The following DCLK2 variants were observed in gnomAD, a reference collection of about 807,000 sequenced individuals.
DCLK2 encodes doublecortin like kinase 2.
In DCLK2, 31 loss-of-function variants were observed where a neutral mutation model predicts 78.4. That is an observed-to-expected ratio of 0.40 (90% CI 0.30 to 0.53). The LOEUF (loss-of-function observed/expected upper bound fraction) is 0.53, where lower values mean the gene tolerates loss of function less well. Among genes scored for constraint, DCLK2 ranks in the 20% least tolerant of loss-of-function variants. The probability of loss-of-function intolerance (pLI) is 0.61; values close to 1 mark genes in which losing one functional copy is unlikely to be tolerated. For missense variants in DCLK2, 872 were observed against 973.7 expected (o/e 0.90, Z 1.39); for synonymous variants, 407 against 374.9 (o/e 1.09, Z -0.99).
At chr4:150,209,306 G>A (rs1396143531) in intron 5 of DCLK2, among the ~76,000 whole-genome samples, 1 of 152,194 alleles carries the variant, frequency 6.6e-6, no homozygotes, top group Non-Finnish European at 1.5e-5. Context: ...AGGCATTTCT[G>A]CAGGCCACAC....
chr4:150,148,806 G>T (rs555092879), intron 2 of DCLK2, among the ~76,000 whole-genome samples: 2 of 152,096 alleles, frequency 1.3e-5, no homozygotes, highest in South Asian at 4.2e-4. Context: ...GGCAAGGCGG[G>T]CAGATCACTT....
intron 5 of DCLK2, among the ~76,000 whole-genome samples, chr4:150,217,098 G>A (rs1022415295): frequency 6.6e-6 from 1 of 152,052 alleles, no homozygotes; most frequent in African/African-American, 2.4e-5. Flanking sequence ...GAAATGGGAC[G>A]GGTTTAATCT....
chr4:150,115,078 A>G (rs547826537), intron 2 of DCLK2, among the ~76,000 whole-genome samples: 39 of 152,090 alleles, frequency 2.6e-4, no homozygotes, highest in African/African-American at 8.9e-4. Flanking sequence ...GGCTTTGTTC[A>G]TTTCTTTTAA....
intron 2 of DCLK2, among the ~76,000 whole-genome samples, chr4:150,172,742 G>T (rs1191973208): frequency 7.5e-6 from 1 of 133,970 alleles, no homozygotes; most frequent in African/African-American, 2.7e-5. Flanking sequence ...TCACTCTAGA[G>T]AGTGTTCTTT....
At chr4:150,255,722 C>G (rs768679002) in intron 15 of DCLK2, among the ~76,000 whole-genome samples, 6 of 152,190 alleles carry the variant, frequency 3.9e-5, no homozygotes, top group Non-Finnish European at 8.8e-5. Context: ...AAGGTCTGGG[C>G]TTGGGCTGAA....
intron 6 of DCLK2, 129 bp from the exon 7 acceptor site, chr4:150,221,548 C>CA: frequency 1.7e-6 from 1 of 577,114 alleles, no homozygotes; most frequent in Non-Finnish European, 2.9e-6. Context: ...GAAATGTGTG[C>CA]AGATATTTTA....
intron 10 of DCLK2, among the ~76,000 whole-genome samples, chr4:150,237,989 C>G (rs1011571875): frequency 6.6e-5 from 10 of 152,268 alleles, no homozygotes; most frequent in East Asian, 5.8e-4. Flanking sequence ...ATTATGCTGT[C>G]ATACGCACTT....
chr4:150,168,491 T>C (rs1157430337), intron 2 of DCLK2, among the ~76,000 whole-genome samples: 6 of 152,178 alleles, frequency 3.9e-5, no homozygotes, highest in Non-Finnish European at 7.4e-5. Flanking sequence ...CTCCAAAACT[T>C]GCCTTGGTCT....
At chr4:150,206,608 A>G (rs1739860632) in intron 5 of DCLK2, among the ~76,000 whole-genome samples, 1 of 152,188 alleles carries the variant, frequency 6.6e-6, no homozygotes, top group Non-Finnish European at 1.5e-5. Flanking sequence ...AAATGCTAGG[A>G]ATATAGTTCT....
At chr4:150,156,740 A>T (rs1560819212) in intron 2 of DCLK2, among the ~76,000 whole-genome samples, 2 of 139,520 alleles carry the variant, frequency 1.4e-5, no homozygotes, top group East Asian at 4.2e-4. Flanking sequence ...GGGAGTAACT[A>T]TTTTATTTAT....
intron 2 of DCLK2, among the ~76,000 whole-genome samples, chr4:150,171,364 C>T (rs1736517376): frequency 6.6e-6 from 1 of 152,158 alleles, no homozygotes; most frequent in Non-Finnish European, 1.5e-5. Flanking sequence ...ACCTGTAGTG[C>T]CAGCTACTTG....
intron 2 of DCLK2, among the ~76,000 whole-genome samples, chr4:150,129,894 T>C (rs1303825449): frequency 6.6e-6 from 1 of 152,094 alleles, no homozygotes; most frequent in Non-Finnish European, 1.5e-5. Flanking sequence ...CTAATCTCCA[T>C]TAATGATTTG....
At chr4:150,123,809 G>A (rs1172820355) in intron 2 of DCLK2, among the ~76,000 whole-genome samples, 2 of 152,108 alleles carry the variant, frequency 1.3e-5, no homozygotes, top group African/African-American at 4.8e-5. Context: ...CGGGAGGCCA[G>A]GGCGGGAAGA....
chr4:150,121,031 A>G (rs774989276), intron 2 of DCLK2, among the ~76,000 whole-genome samples: 1 of 152,096 alleles, frequency 6.6e-6, no homozygotes, highest in South Asian at 2.1e-4. Context: ...AGACTGCGCT[A>G]TTGCACTCCA....
At chr4:150,201,335 A>G (rs1386779449) in intron 4 of DCLK2, among the ~76,000 whole-genome samples, 1 of 152,102 alleles carries the variant, frequency 6.6e-6, no homozygotes, top group Non-Finnish European at 1.5e-5. Context: ...GCAGCAGCGG[A>G]AGTTGCAGGG....
intron 2 of DCLK2, among the ~76,000 whole-genome samples, chr4:150,125,823 G>A (rs1277378355): frequency 2.0e-5 from 3 of 152,056 alleles, no homozygotes; most frequent in East Asian, 3.9e-4. Flanking sequence ...CCCGGGAGGC[G>A]GAGGTTGCAG....
intron 2 of DCLK2, among the ~76,000 whole-genome samples, chr4:150,173,109 A>G (rs1435919217): frequency 6.6e-6 from 1 of 152,010 alleles, no homozygotes; most frequent in Non-Finnish European, 1.5e-5. Flanking sequence ...CTTCCCTCTT[A>G]CAAATCATTT....
intron 1 of DCLK2, among the ~76,000 whole-genome samples, chr4:150,086,073 T>TC (rs1729615008): frequency 6.6e-6 from 1 of 152,188 alleles, no homozygotes; most frequent in Admixed American, 6.6e-5. Context: ...GAGGATCTTT[T>TC]CCATAGACCA....
At chr4:150,190,284 T>C (rs1225357030) in intron 2 of DCLK2, among the ~76,000 whole-genome samples, 1 of 118,704 alleles carries the variant, frequency 8.4e-6, no homozygotes, top group African/African-American at 3.9e-5. Flanking sequence ...GATAGATAGA[T>C]AGATAGATAG....
Sources: allele counts gnomAD v4.1 joint callset (sites outside exome capture counted in the v4.1 genomes callset), GRCh38; gene constraint gnomAD v4.1.1; transcripts MANE v1.5; gene names NCBI Gene and HGNC (gene_info 2026-07-23, HGNC 2026-07-21).